The following SRRM3 variants were observed in gnomAD, a reference collection of about 807,000 sequenced individuals.
The protein encoded by SRRM3 is serine/arginine repetitive matrix 3, also known as serine/arginine repetitive matrix protein 3.
Under a neutral mutation model 66.2 loss-of-function variants are expected in SRRM3, and 27 were observed. That is an observed-to-expected ratio of 0.41 (90% CI 0.30 to 0.56). The LOEUF is 0.56. Among genes scored for constraint, SRRM3 ranks in the 20% least tolerant of loss-of-function variants. The pLI is 0.32. For synonymous variants in SRRM3, 391 were observed against 414.9 expected (o/e 0.94, Z 0.70); for missense variants, 918 against 991.9 (o/e 0.93, Z 1.00).
chr7:76,206,299 G>A (rs1305043081), intron 1 of SRRM3, among the ~76,000 whole-genome samples: 1 of 152,180 alleles, frequency 6.6e-6, no homozygotes, highest in Non-Finnish European at 1.5e-5. Context: ...AGAGTCGGAT[G>A]AGGGGAAGGG....
chr7:76,254,674 G>C (rs189041468), intron 3 of SRRM3, among the ~76,000 whole-genome samples: 58 of 152,232 alleles, frequency 3.8e-4, no homozygotes, highest in South Asian at 1.2e-3. Flanking sequence ...ATCAACTGAA[G>C]CTCCCTGCTC....
chr7:76,234,194 A>AGTGTGTGT (rs58369922), intron 1 of SRRM3, among the ~76,000 whole-genome samples: 84 of 141,164 alleles, frequency 6.0e-4, no homozygotes, highest in Middle Eastern at 3.7e-3. Flanking sequence ...AAGTCCTTGG[A>AGTGTGTGT]GTGTGTGTGT....
chr7:76,239,151 G>C (rs1338215846), intron 2 of SRRM3, among the ~76,000 whole-genome samples: 1 of 151,946 alleles, frequency 6.6e-6, no homozygotes, highest in Non-Finnish European at 1.5e-5. Context: ...TCCTGCCTCA[G>C]CCTTCCGAGT....
At chr7:76,264,161 CT>C (rs781826102) in intron 8 of SRRM3, among the ~76,000 whole-genome samples, 118 of 126,362 alleles carry the variant, frequency 9.3e-4, no homozygotes, top group Admixed American at 1.2e-3. Flanking sequence ...CAACCCCTGC[CT>C]TTTTTTTTTT....
intron 1 of SRRM3, among the ~76,000 whole-genome samples, chr7:76,233,469 G>A (rs1260945775): frequency 2.0e-5 from 3 of 152,224 alleles, no homozygotes; most frequent in Non-Finnish European, 2.9e-5. Flanking sequence ...CTGCAGCCGA[G>A]GTGGGTGGGG....
intron 1 of SRRM3, among the ~76,000 whole-genome samples, chr7:76,229,610 T>C (rs1413997444): frequency 6.6e-6 from 1 of 152,162 alleles, no homozygotes; most frequent in Non-Finnish European, 1.5e-5. Context: ...TCTGTGATCA[T>C]TGAAAATCCC....
In SRRM3 at chr7:76,265,376, G is replaced by C; in HGVS notation, c.738G>C (p.Glu246Asp). The change falls in exon 10 of 15, where the codon GAG becomes GAC. Residue 246 changes from glutamate to aspartate, a missense_variant. Physicochemically the swap from Glu to Asp is conservative, Grantham distance 45 (BLOSUM62 2). Transcript: ENST00000611745. ...KNKEKKRPHT[E>D]SPGRRSHRHS... is the part of the protein sequence containing the mutation. Reference sequence around the variant, plus strand: ...CCATCCACGCCAGGCCTCACACAGAGTCCCCAGGCCGGAGGTCTCATCGCC... The same window carrying C: ...CCATCCACGCCAGGCCTCACACAGACTCCCCAGGCCGGAGGTCTCATCGCC... 1 of 1,598,514 alleles carries C rather than the reference G, an allele frequency of 6.3e-7. No homozygotes were observed. The highest frequency in any genetic ancestry group is 8.5e-7 in the Non-Finnish European group (1 of 1,173,110).
intron 1 of SRRM3, among the ~76,000 whole-genome samples, chr7:76,234,520 C>T (rs1321598438): frequency 2.0e-5 from 3 of 152,142 alleles, no homozygotes; most frequent in African/African-American, 7.2e-5. Context: ...CTTCCATCTT[C>T]CCCTCTCTGT....
chr7:76,228,853 G>T (rs974784275), intron 1 of SRRM3, among the ~76,000 whole-genome samples: 23 of 151,380 alleles, frequency 1.5e-4, no homozygotes, highest in Admixed American at 1.5e-3. Context: ...CCATACTTGG[G>T]CTATATCAGG....
intron 1 of SRRM3, among the ~76,000 whole-genome samples, chr7:76,215,448 A>C (rs1222438219): frequency 7.0e-6 from 1 of 143,736 alleles, no homozygotes; most frequent in Non-Finnish European, 1.5e-5. Context: ...GTTGCCCAGA[A>C]TGGAGTGCAG....
At chr7:76,248,627 A>G (rs1801499445) in intron 3 of SRRM3, among the ~76,000 whole-genome samples, 1 of 152,100 alleles carries the variant, frequency 6.6e-6, no homozygotes, top group African/African-American at 2.4e-5. Flanking sequence ...CCTGAACCCA[A>G]CATTGTCTCT....
At chr7:76,262,743 G>A (rs1370994258) in intron 8 of SRRM3, among the ~76,000 whole-genome samples, 1 of 151,966 alleles carries the variant, frequency 6.6e-6, no homozygotes, top group Non-Finnish European at 1.5e-5. Context: ...TTGATACTGG[G>A]AGGAGGAAAT....
intron 3 of SRRM3, among the ~76,000 whole-genome samples, chr7:76,257,400 C>T (rs915063725): frequency 6.7e-6 from 1 of 149,978 alleles, no homozygotes; most frequent in South Asian, 2.1e-4. Context: ...GGCCACCCCC[C>T]TAGAGACAGG....
At chr7:76,264,161 C>CTTT (rs781826102) in intron 8 of SRRM3, among the ~76,000 whole-genome samples, 1 of 126,362 alleles carries the variant, frequency 7.9e-6, no homozygotes, top group African/African-American at 3.1e-5. Flanking sequence ...CAACCCCTGC[C>CTTT]TTTTTTTTTT....
At chr7:76,278,164 C>G (rs1554611401) in intron 11 of SRRM3, among the ~76,000 whole-genome samples, 1 of 152,142 alleles carries the variant, frequency 6.6e-6, no homozygotes, top group African/African-American at 2.4e-5. Flanking sequence ...TGATGGTCTC[C>G]TGTTGAGAAC....
chr7:76,273,945 G>C (rs1583936439), intron 11 of SRRM3, among the ~76,000 whole-genome samples: 2 of 152,002 alleles, frequency 1.3e-5, no homozygotes, highest in East Asian at 3.9e-4. Context: ...TTCTCATTCT[G>C]TTGTCCGAAT....
intron 3 of SRRM3, among the ~76,000 whole-genome samples, chr7:76,248,922 G>A (rs1490867507): frequency 1.3e-5 from 2 of 152,350 alleles, no homozygotes; most frequent in Non-Finnish European, 2.9e-5. Context: ...AGAGGTTGCA[G>A]TGAGCCGAGA....
At chr7:76,226,355 T>C (rs1250061525) in intron 1 of SRRM3, among the ~76,000 whole-genome samples, 1 of 152,232 alleles carries the variant, frequency 6.6e-6, no homozygotes, top group Admixed American at 6.5e-5. Flanking sequence ...ACTTCCTGGC[T>C]TGTAGAAGAA....
intron 14 of SRRM3, among the ~76,000 whole-genome samples, chr7:76,284,901 C>A (rs1221294602): frequency 6.6e-6 from 1 of 152,052 alleles, no homozygotes; most frequent in Non-Finnish European, 1.5e-5. Context: ...GGAGCAGCGG[C>A]CAGGACTCCC....
Sources: gnomAD v4.1 joint callset for allele counts (sites outside exome capture counted in the v4.1 genomes callset) on GRCh38, gnomAD v4.1.1 for gene constraint, MANE v1.5 for transcripts, NCBI Gene and HGNC (gene_info 2026-07-23, HGNC 2026-07-21) for gene names.